BRWD1: variants seen among roughly 807,000 people sequenced by gnomAD.
BRWD1 encodes bromodomain and WD repeat domain containing 1.
BRWD1 carries 82 observed loss-of-function variants against 251.2 expected under a neutral mutation model. The observed-to-expected ratio is 0.33, with a 90% CI of 0.27 to 0.39. The LOEUF is 0.39. Ranked by LOEUF, BRWD1 falls within the 10% of genes least tolerant of loss-of-function variation. The probability of loss-of-function intolerance (pLI) is 1.00; values close to 1 mark genes in which losing one functional copy is unlikely to be tolerated. For synonymous variants in BRWD1, 918 were observed against 902.8 expected (o/e 1.02, Z -0.30); for missense variants, 2,233 against 2,711.6 (o/e 0.82, Z 3.92).
chr21:39,255,632 T>C lies in BRWD1; in HGVS notation c.2255+13A>G, dbSNP rs1290852455. The C allele has an allele frequency of 5.6e-6, 9 of 1,601,950 alleles. No individual in the cohort carries two copies. The East Asian group carries it at 1.1e-4, about 20-fold the overall frequency. The stretch of plus-strand genomic sequence containing the variant: ...CAGATAGAAACATTATAAATAGATA[T>C]CCTAAAACAAACCTAAATATGCCTA... On this transcript the variant is annotated intron_variant, in intron 19 of 40. Coordinates refer to ENST00000342449, the MANE Select transcript of BRWD1 (RefSeq NM_033656.4).
chr21:39,308,674 G>A (rs2036367509), intron 4 of BRWD1, among the ~76,000 whole-genome samples: 1 of 152,092 alleles, frequency 6.6e-6, no homozygotes, highest in African/African-American at 2.4e-5. Flanking sequence ...CTGGTTTGGG[G>A]CATACTCTGG....
intron 4 of BRWD1, among the ~76,000 whole-genome samples, chr21:39,312,371 C>T (rs1313926361): frequency 6.6e-6 from 1 of 152,234 alleles, no homozygotes; most frequent in Non-Finnish European, 1.5e-5. Context: ...AAATAAAAAG[C>T]TCAACACAAG....
chr21:39,213,895 T>C (rs1018983897), intron 32 of BRWD1, among the ~76,000 whole-genome samples: 1 of 150,752 alleles, frequency 6.6e-6, no homozygotes, highest in Non-Finnish European at 1.5e-5. Context: ...AGGAAAACAG[T>C]TGATTTAAGG....
At chr21:39,319,987 C>T (rs946204866) in intron 1 of BRWD1, among the ~76,000 whole-genome samples, 3 of 152,164 alleles carry the variant, frequency 2.0e-5, no homozygotes, top group Admixed American at 6.5e-5. Flanking sequence ...CTTTCTCATT[C>T]GCTGTCACCT....
At chr21:39,268,379 C>A in intron 15 of BRWD1, among the ~76,000 whole-genome samples, 1 of 148,848 alleles carries the variant, frequency 6.7e-6, no homozygotes, top group East Asian at 2.0e-4. Flanking sequence ...AGGCGGAGGT[C>A]GCAGCGACCC....
At chr21:39,318,336 G>C (rs538248238), upstream of BRWD1, among the ~76,000 whole-genome samples, 1 of 152,176 alleles carries the variant, frequency 6.6e-6, no homozygotes, top group East Asian at 1.9e-4. Flanking sequence ...GGAAATCTGT[G>C]AGCAATGGAG....
chr21:39,195,234 G>C lies in BRWD1; in HGVS notation c.*1025C>G. ...ACAAAGAGATGGAGAATGACATTTA[G>C]CTATTTTCCTATATAGATAAGATTT... On this transcript the variant is annotated 3_prime_UTR_variant, in exon 41 of 41. Coordinates refer to ENST00000342449, the MANE Select transcript of BRWD1 (RefSeq NM_033656.4). The C allele has an allele frequency of 9.7e-7, 1 of 1,033,480 alleles. No individual in the cohort carries two copies. Among genetic ancestry groups the C allele is most frequent in the Non-Finnish European group, 1.2e-6 (1 of 860,260 alleles). The allele number at this position is 1,033,480 out of a possible 1,614,324, so 64.0% of individuals were successfully genotyped here.
chr21:39,254,835 T>C (rs974497477), intron 19 of BRWD1, among the ~76,000 whole-genome samples: 9 of 152,234 alleles, frequency 5.9e-5, no homozygotes, highest in Non-Finnish European at 1.0e-4. Context: ...ATGTGTGCCT[T>C]CTGATAGAAT....
Position 39,202,613 on chromosome 21 carries a change from T to C in BRWD1, c.4365-68A>G. The stretch of plus-strand genomic sequence containing the variant: ...ACAAAGATAATTGGTTCACAGAGAA[T>C]GACTAAATAGAAGTATATCATATTT... On this transcript the variant is annotated intron_variant, in intron 37 of 40. Coordinates refer to ENST00000342449, the MANE Select transcript of BRWD1 (RefSeq NM_033656.4). 8 of 1,077,428 alleles carry C rather than the reference T, an allele frequency of 7.4e-6. No homozygotes were observed. The South Asian group carries it at 9.2e-5, about 12-fold the overall frequency. The allele number at this position is 1,077,428 out of a possible 1,614,324, so 66.7% of individuals were successfully genotyped here. A position where few individuals can be genotyped will look rare whatever the true frequency, so the allele number is the denominator to read the frequency against.
In BRWD1 at chr21:39,206,250, A is replaced by G; in HGVS notation, c.4222T>C (p.Ser1408Pro). ...TTCATTTTTTCTTCAAATAAGGCAG[A>G]TAATCTCAAGGTCATACTATAAATC... The part of the protein sequence containing the change: ...SKIYSMTLRL[S>P]ALFEEKMKKI... The change falls in exon 37 of 41, where the codon TCT becomes CCT. Residue 1408 changes from serine (S) to proline (P), a missense_variant. Coordinates refer to ENST00000342449, the MANE Select transcript of BRWD1 (RefSeq NM_033656.4). 6.2e-7 allele frequency: 1 copy of G among 1,600,988 alleles called. No homozygotes were observed. The highest frequency in any genetic ancestry group is 8.5e-7 in the Non-Finnish European group (1 of 1,170,132).
Position 39,237,370 on chromosome 21 carries a change from A to G in BRWD1, c.2577-586T>C, listed in dbSNP as rs58536932. On this transcript the variant is annotated intron_variant, in intron 22 of 40. Coordinates refer to ENST00000342449, the MANE Select transcript of BRWD1 (RefSeq NM_033656.4). ...ATCAGAGTCAAAGAGGAAACTAGTT[A>G]TAGAAAACTAGTCCCTGGTCCACTA... Among the ~76,000 whole-genome samples the G allele has an allele frequency of 4.0e-3, 610 of 152,304 alleles. 6 individuals are homozygous for G. Among genetic ancestry groups the G allele is most frequent in the African/African-American group, 0.014 (597 of 41,572 alleles).
chr21:39,237,246 G>C (rs1470173704), intron 22 of BRWD1, among the ~76,000 whole-genome samples: 1 of 152,116 alleles, frequency 6.6e-6, no homozygotes, highest in East Asian at 1.9e-4. Context: ...AGAAGCCCAA[G>C]GGAAGCATAG....
intron 29 of BRWD1, among the ~76,000 whole-genome samples, chr21:39,223,701 C>T (rs577362079): frequency 3.9e-5 from 6 of 152,212 alleles, no homozygotes; most frequent in African/African-American, 1.4e-4. Flanking sequence ...AAATAGTTGT[C>T]TATTTCAGTA....
chr21:39,249,982 A>C (rs2034342336), intron 20 of BRWD1, among the ~76,000 whole-genome samples: 1 of 151,734 alleles, frequency 6.6e-6, no homozygotes. Context: ...AGATATATAT[A>C]TATTTTAACC....
chr21:39,302,937 G>A (rs2036167099), intron 4 of BRWD1, among the ~76,000 whole-genome samples: 1 of 151,730 alleles, frequency 6.6e-6, no homozygotes, highest in African/African-American at 2.4e-5. Context: ...GCATGCTCCT[G>A]CAATTCCAGC....
chr21:39,313,271 T>C lies in BRWD1; in HGVS notation c.78A>G (p.Leu26=). ...SELYFLIARY[L]SAGPCRRAAQ... The stretch of plus-strand genomic sequence containing the variant: ...CCGCTCTCCGACACGGGCCCGCCGA[T>C]AGGTACCGGGCGATAAGGAAGTACA... Residue 26 remains leucine, a synonymous_variant, in exon 2 of 41, where the codon CTA becomes CTG. Transcript: ENST00000342449. 2 of 1,556,224 alleles carry C rather than the reference T, an allele frequency of 1.3e-6. No individual in the cohort carries two copies. The highest frequency in any genetic ancestry group is 4.9e-5 in the East Asian group (2 of 40,944).
intron 11 of BRWD1, 141 bp from the exon 12 acceptor site, chr21:39,276,354 A>G (rs2035281829): frequency 3.8e-6 from 2 of 527,202 alleles, no homozygotes; most frequent in East Asian, 3.3e-5. Context: ...GTCATTCAAC[A>G]TGTTTTATAA....
At chr21:39,257,925 A>C (rs924976930) in intron 18 of BRWD1, among the ~76,000 whole-genome samples, 1 of 152,214 alleles carries the variant, frequency 6.6e-6, no homozygotes, top group African/African-American at 2.4e-5. Context: ...TAAAAAAACA[A>C]AGTCTTATGC....
intron 17 of BRWD1, among the ~76,000 whole-genome samples, chr21:39,261,202 G>T (rs891626813): frequency 6.6e-6 from 1 of 152,170 alleles, no homozygotes; most frequent in Non-Finnish European, 1.5e-5. Flanking sequence ...TCCAGCCTGG[G>T]CAACAGAGCA....
Sources: gnomAD v4.1 joint callset for allele counts (sites outside exome capture counted in the v4.1 genomes callset) on GRCh38, gnomAD v4.1.1 for gene constraint, MANE v1.5 for transcripts, NCBI Gene and HGNC (gene_info 2026-07-23, HGNC 2026-07-21) for gene names.